The following PIH1D2 variants were observed in gnomAD, a reference collection of about 807,000 sequenced individuals.
The protein encoded by PIH1D2 is PIH1 domain containing 2, also known as PIH1 domain-containing protein 2.
Under a neutral mutation model 31.2 loss-of-function variants are expected in PIH1D2, and 25 were observed. The ratio of observed to expected loss-of-function variants is 0.80; its 90% CI spans 0.58 to 1.12. The LOEUF (loss-of-function observed/expected upper bound fraction) is 1.12, where lower values mean the gene tolerates loss of function less well. Among genes scored for constraint, PIH1D2 ranks in the 50% most tolerant of loss-of-function variants. The pLI, the probability that PIH1D2 is intolerant of heterozygous loss-of-function variation, is 0.00. For missense variants in PIH1D2, 310 were observed against 356.6 expected, an observed-to-expected ratio of 0.87 and a Z score of 1.05; for synonymous variants, 116 against 119.9, an observed-to-expected ratio of 0.97 and a Z score of 0.21.
In PIH1D2 at chr11:112,071,018, A is replaced by C. The variant is rs1865092556; in HGVS notation, c.547+20T>G. 6.2e-7 allele frequency: 1 copy of C among 1,603,266 alleles called. No individual in the cohort carries two copies. The highest frequency in any genetic ancestry group is 1.7e-5 in the Admixed American group (1 of 58,626). ...ACATCTTAAAGCAGTTTAATTTTCCATTTACAATCATCAACTTACCCCTTC... is the reference window on the plus strand; with the variant it reads ...ACATCTTAAAGCAGTTTAATTTTCCCTTTACAATCATCAACTTACCCCTTC... On this transcript the variant is annotated intron_variant, in intron 4 of 5. Coordinates refer to ENST00000280350, the MANE Select transcript of PIH1D2 (RefSeq NM_138789.4).
chr11:112,060,574 C>T (rs1437911578), downstream of PIH1D2, among the ~76,000 whole-genome samples: 3 of 152,158 alleles, frequency 2.0e-5, no homozygotes, highest in African/African-American at 4.8e-5. Flanking sequence ...CCTACCTCTG[C>T]CTCCTGAGTA....
intron 5 of PIH1D2, 166 bp downstream of exon 5, chr11:112,070,269 CT>C: frequency 1.3e-6 from 1 of 752,796 alleles, no homozygotes; most frequent in Non-Finnish European, 2.1e-6. Flanking sequence ...TCTATTTTCC[CT>C]TTGCTGAGAT....
downstream of PIH1D2, among the ~76,000 whole-genome samples, chr11:112,059,313 T>C (rs1474900359): frequency 1.3e-5 from 2 of 151,782 alleles, no homozygotes; most frequent in Non-Finnish European, 2.9e-5. Context: ...TTAGACGATA[T>C]GTGCGAAACC....
the PIH1D2 span, among the ~76,000 whole-genome samples, chr11:112,052,624 G>A: frequency 1.3e-5 from 2 of 152,102 alleles, no homozygotes; most frequent in African/African-American, 4.8e-5. Flanking sequence ...CACCCTTCCA[G>A]CACTTCCACA....
chr11:112,071,285 T>C lies in PIH1D2; in HGVS notation c.302-2A>G, dbSNP rs1555184598. 1.6e-5 allele frequency: 26 copies of C among 1,608,198 alleles called. No individual in the cohort carries two copies. Among genetic ancestry groups the C allele is most frequent in the Non-Finnish European group, 2.0e-5 (23 of 1,176,860 alleles). On this transcript the variant is annotated splice_acceptor_variant, in intron 3 of 5. Coordinates refer to ENST00000280350, the MANE Select transcript of PIH1D2 (RefSeq NM_138789.4). LOFTEE classifies it high-confidence loss of function. ...CAACATCAATGACTGTGTAAGCATCTGTGTGTGTAATTGAAAGGGTATGAA... is the reference window on the plus strand; with the variant it reads ...CAACATCAATGACTGTGTAAGCATCCGTGTGTGTAATTGAAAGGGTATGAA...
downstream of PIH1D2, chr11:112,061,255 G>A: frequency 6.6e-7 from 1 of 1,505,206 alleles, no homozygotes; most frequent in Non-Finnish European, 9.2e-7. Flanking sequence ...TCAGGGGATT[G>A]GCTCCAGGAA....
chr11:112,072,888 AC>A (rs113966995), intron 2 of PIH1D2, 109 bp downstream of exon 2: 19,968 of 1,011,540 alleles, frequency 0.02, 338 homozygotes, highest in African/African-American at 0.13. Context: ...ACAAAACAAA[AC>A]AAAAAAAAAA....
downstream of PIH1D2, chr11:112,063,917 T>C (rs1488684274): frequency 2.7e-6 from 1 of 369,648 alleles, no homozygotes; most frequent in Non-Finnish European, 4.8e-6. Flanking sequence ...ATATGTAATA[T>C]GTGGAGTTAG....
intron 2 of PIH1D2, 115 bp downstream of exon 2, chr11:112,072,883 A>T: frequency 9.2e-7 from 1 of 1,089,048 alleles, no homozygotes; most frequent in Non-Finnish European, 1.2e-6. Flanking sequence ...ACAAAACAAA[A>T]CAAAACAAAA....
At chr11:112,063,291 A>G (rs782350406), downstream of PIH1D2, 1 of 152,220 alleles carries the variant, frequency 6.6e-6, no homozygotes, top group African/African-American at 2.4e-5. Flanking sequence ...TCCAAAAAAG[A>G]AACATTGTTA....
chr11:112,071,168 T>G lies in PIH1D2; in HGVS notation c.417A>C (p.Lys139Asn), dbSNP rs887486506. ...AAGAGTGTGAGAGGGTGAACTGGAA[T>G]TTCTCCTCAATGCATTTCATGGCCA... ...IQMAMKCIEE[K>N]FQFTLSHSYH... Residue 139 changes from lysine (K) to asparagine (N), a missense_variant, in exon 4 of 6, where the codon AAA becomes AAC. Coordinates refer to ENST00000280350, the MANE Select transcript of PIH1D2 (RefSeq NM_138789.4). The G allele has an allele frequency of 5.0e-6, 8 of 1,613,832 alleles. No homozygotes were observed. In the African/African-American group the frequency reaches 5.3e-5, roughly 11 times the overall value.
At chr11:112,072,755 T>C in intron 2 of PIH1D2, 1 of 337,158 alleles carries the variant, frequency 3.0e-6, no homozygotes, top group East Asian at 5.4e-5. Flanking sequence ...TCCCAGCTAC[T>C]TGGGAGGCTG....
In PIH1D2 at chr11:112,070,680, C is replaced by T. The variant is rs782224372; in HGVS notation, c.569G>A (p.Arg190Gln). ...ATCTGGATTGCTCATAGTACTGCTT[C>T]GTATCTGTCCAAGAGTTAGTTCTTT... is the stretch of plus-strand genomic sequence containing the variant. ...MRRELTLGQI[R>Q]SSTMSNPDHF... Residue 190 changes from arginine (R) to glutamine (Q), a missense_variant, in exon 5 of 6, where the codon CGA (arginine) becomes CAA (glutamine). Arg to Gln is a conservative substitution (Grantham distance 43). Transcript: ENST00000280350. 11 of 1,613,740 alleles carry T rather than the reference C, an allele frequency of 6.8e-6. No homozygotes were observed. The highest frequency in any genetic ancestry group is 4.5e-5 in the East Asian group (2 of 44,872).
At chr11:112,059,792 C>G (rs1864434450), downstream of PIH1D2, 3 of 867,984 alleles carry the variant, frequency 3.5e-6, no homozygotes, top group Non-Finnish European at 5.2e-6. Flanking sequence ...TGAACAATAA[C>G]ACACATTGGT....
At chr11:112,072,789 G>A (rs956426692) in intron 2 of PIH1D2, 15 of 438,618 alleles carry the variant, frequency 3.4e-5, no homozygotes, top group South Asian at 1.2e-4. Flanking sequence ...GCTTAAACCC[G>A]GGAGGCAGAG....
At chr11:112,065,797 A>G (rs1431367367), downstream of PIH1D2, among the ~76,000 whole-genome samples, 2 of 152,204 alleles carry the variant, frequency 1.3e-5, no homozygotes, top group African/African-American at 4.8e-5. Flanking sequence ...CCTGGCCAAC[A>G]TGATGAGACC....
chr11:112,071,053 C>T lies in PIH1D2; in HGVS notation c.532G>A (p.Glu178Lys), dbSNP rs1555184523. Residue 178 changes from glutamate to lysine, a missense_variant, in exon 4 of 6, where the codon GAA becomes AAA. By Grantham distance (56) the Glu-to-Lys change is moderately conservative. Transcript: ENST00000280350. ...GIQTDSIDLR[E>K]KMRRELTLGQ... The stretch of plus-strand genomic sequence containing the variant: ...ATCAACTTACCCCTTCTCATTTTTT[C>T]TCTTAAATCTATGGAATCAGTTTGG... 6.2e-7 allele frequency: 1 copy of T among 1,608,804 alleles called. No individual in the cohort carries two copies. The highest frequency in any genetic ancestry group is 1.1e-5 in the South Asian group (1 of 89,922).
chr11:112,061,192 G>A, downstream of PIH1D2: 1 of 1,613,888 alleles, frequency 6.2e-7, no homozygotes, highest in East Asian at 2.2e-5. Flanking sequence ...CCAAAATGGA[G>A]GGGAAGTCGT....
At chr11:112,062,719 T>A (rs368523076), downstream of PIH1D2, 37 of 653,754 alleles carry the variant, frequency 5.7e-5, no homozygotes, top group East Asian at 5.1e-4. Context: ...ACCCAAATAT[T>A]GTGCACATTT....
Sources: gnomAD v4.1 joint callset for allele counts (sites outside exome capture counted in the v4.1 genomes callset) on GRCh38, gnomAD v4.1.1 for gene constraint, MANE v1.5 for transcripts, NCBI Gene and HGNC (gene_info 2026-07-23, HGNC 2026-07-21) for gene names.